SORCS2: variants seen among roughly 807,000 people sequenced by gnomAD.
SORCS2 encodes VPS10 domain-containing receptor SorCS2.
In SORCS2, 100 loss-of-function variants were observed where a neutral mutation model predicts 141.6. The observed-to-expected ratio is 0.71, with a 90% confidence interval of 0.60 to 0.83. The LOEUF (loss-of-function observed/expected upper bound fraction) is 0.83. SORCS2 is among the 40% of genes least tolerant of loss of function. SORCS2 has a pLI of 0.00. For missense variants in SORCS2, 1,646 were observed against 1,560.2 expected (o/e 1.05, Z -0.93); for synonymous variants, 789 against 676.9 (o/e 1.17, Z -2.57).
chr4:7,657,514 A>G (rs1274745614), intron 5 of SORCS2, among the ~76,000 whole-genome samples: 1 of 146,794 alleles, frequency 6.8e-6, no homozygotes, highest in Non-Finnish European at 1.5e-5. Flanking sequence ...TGAATGAGTA[A>G]ATAGCTGAGT....
chr4:7,664,358 C>T lies in SORCS2; in HGVS notation c.958C>T (p.Arg320Trp), dbSNP rs747884144. 2.1e-5 allele frequency: 34 copies of T among 1,613,058 alleles called. No individual in the cohort carries two copies. Among genetic ancestry groups the T allele is most frequent in the Non-Finnish European group, 2.7e-5 (32 of 1,179,404 alleles). ...VEAQDLGGDF[R>W]YVTCAIHNCS... is the part of the protein sequence containing the mutation. ...TCGGCGCCTCTCTCCTGTAGATTTTCGGTACGTCACCTGCGCAATCCACAA... is the reference window on the plus strand; with the variant it reads ...TCGGCGCCTCTCTCCTGTAGATTTTTGGTACGTCACCTGCGCAATCCACAA... The change falls in exon 7 of 27, where the codon CGG (arginine) becomes TGG (tryptophan). Residue 320 changes from arginine to tryptophan, a missense_variant. Physicochemically the swap from Arg to Trp is moderately radical, Grantham distance 101. Coordinates refer to ENST00000507866, the MANE Select transcript of SORCS2 (RefSeq NM_020777.3). The surrounding 1 kb of genome is among the most constrained non-coding windows in gnomAD (Gnocchi z 4.7).
intron 1 of SORCS2, among the ~76,000 whole-genome samples, chr4:7,197,866 C>A (rs1344273008): frequency 6.6e-6 from 1 of 152,138 alleles, no homozygotes; most frequent in Non-Finnish European, 1.5e-5. Flanking sequence ...GCTCTGGGAT[C>A]CAGGTCAAAT....
At chr4:7,712,654 A>T in intron 14 of SORCS2, 79 bp from the exon 15 acceptor site, 1 of 1,584,510 alleles carries the variant, frequency 6.3e-7, no homozygotes, top group Non-Finnish European at 8.6e-7. Flanking sequence ...AACAGAGTCC[A>T]GAGGGGACAT....
intron 16 of SORCS2, 69 bp from the exon 17 acceptor site, chr4:7,715,114 A>AC (rs1726100151): frequency 6.3e-7 from 1 of 1,589,600 alleles, no homozygotes; most frequent in Non-Finnish European, 8.6e-7. Flanking sequence ...CCCAGATTTC[A>AC]CCCCAACCCT....
At chr4:7,499,699 C>A (rs910288352) in intron 2 of SORCS2, among the ~76,000 whole-genome samples, 2 of 152,076 alleles carry the variant, frequency 1.3e-5, no homozygotes, top group Non-Finnish European at 2.9e-5. Context: ...CCCGGGAGAC[C>A]CTTCCTGGAA....
chr4:7,392,026 C>G (rs937626703), intron 1 of SORCS2, among the ~76,000 whole-genome samples: 2 of 152,180 alleles, frequency 1.3e-5, no homozygotes, highest in African/African-American at 4.8e-5. Flanking sequence ...AGTGAAAACA[C>G]AAAGCCCTCG....
chr4:7,371,966 G>A (rs548078662), intron 1 of SORCS2, among the ~76,000 whole-genome samples: 16 of 152,318 alleles, frequency 1.1e-4, no homozygotes, highest in African/African-American at 3.4e-4. Flanking sequence ...GTGGGGGAGT[G>A]AGGGAAGATG....
chr4:7,311,998 C>T (rs1230302225), intron 1 of SORCS2, among the ~76,000 whole-genome samples: 5 of 152,166 alleles, frequency 3.3e-5, no homozygotes, highest in African/African-American at 1.2e-4. Context: ...ACCTCAGCCT[C>T]CCAAGTAGCT....
intron 3 of SORCS2, among the ~76,000 whole-genome samples, chr4:7,550,120 GTGTA>G (rs1310706300): frequency 1.3e-5 from 1 of 75,386 alleles, no homozygotes; most frequent in Non-Finnish European, 3.0e-5. Flanking sequence ...GTGTGTGTGT[GTGTA>G]TGTGTGTATG....
At chr4:7,598,469 C>G (rs1181328379) in intron 3 of SORCS2, among the ~76,000 whole-genome samples, 4 of 152,092 alleles carry the variant, frequency 2.6e-5, no homozygotes, top group Non-Finnish European at 4.4e-5. Context: ...CTGATTAGCC[C>G]CTTCTCCCTC....
chr4:7,531,532 C>G lies in SORCS2; in HGVS notation c.551C>G (p.Ser184Ter). ...GKVLESSLWRSSDFGTSYTKL... is the reference protein window; with the variant it reads ...GKVLESSLWR ...CGGCTGTCCCCCTTTTCCCCCAGGT[C>G]ATCAGATTTCGGGACGTCCTACACC... Residue 184 changes from serine (S) to a stop codon, truncating the protein, a stop_gained and splice_region_variant, in exon 3 of 27, where the codon TCA becomes TGA. Transcript: ENST00000507866. LOFTEE classifies it high-confidence loss of function. The G allele has an allele frequency of 6.2e-7, 1 of 1,613,658 alleles. No homozygotes were observed. Among genetic ancestry groups the G allele is most frequent in the South Asian group, 1.1e-5 (1 of 91,020 alleles).
rs1714220313 is a variant in SORCS2, at chr4:7,260,138, AC to A, written c.480+67015del. Among the ~76,000 whole-genome samples the A allele has an allele frequency of 3.3e-5, 5 of 152,228 alleles. No homozygotes were observed. In the South Asian group the frequency reaches 1.0e-3, roughly 32 times the overall value. On this transcript the variant is annotated intron_variant, in intron 1 of 26. Transcript: ENST00000507866. ...TTCAGAACTCGGCAGCCAAGTGAGA[AC>A]CCATGTGTGGGAACTTTTCTTTTCC...
intron 2 of SORCS2, among the ~76,000 whole-genome samples, chr4:7,482,515 A>G (rs1242168766): frequency 5.7e-5 from 3 of 52,640 alleles, no homozygotes. Flanking sequence ...GACACCCCTG[A>G]CGCTGTTCAG....
At chr4:7,552,034 G>T (rs143196936) in intron 3 of SORCS2, among the ~76,000 whole-genome samples, 1 of 152,310 alleles carries the variant, frequency 6.6e-6, no homozygotes, top group East Asian at 1.9e-4. Context: ...AGATGCCTAA[G>T]GATGCTGCCG....
At chr4:7,367,924 C>T (rs953763006) in intron 1 of SORCS2, among the ~76,000 whole-genome samples, 2 of 152,228 alleles carry the variant, frequency 1.3e-5, no homozygotes, top group Admixed American at 1.3e-4. Context: ...CGGGCCAGTC[C>T]AGTGCTGTGT....
At chr4:7,196,643 T>TCCCTCCCCTCC (rs1727184991) in intron 1 of SORCS2, among the ~76,000 whole-genome samples, 2 of 84,580 alleles carry the variant, frequency 2.4e-5, no homozygotes, top group African/African-American at 9.3e-5. Context: ...CCCTTCCCTC[T>TCCCTCCCCTCC]CCCTCCCCTC....
At chr4:7,612,486 CG>C (rs1718473459) in intron 3 of SORCS2, among the ~76,000 whole-genome samples, 1 of 152,132 alleles carries the variant, frequency 6.6e-6, no homozygotes, top group Non-Finnish European at 1.5e-5. Flanking sequence ...CCTGAGTCAC[CG>C]GTAACACTAC....
intron 9 of SORCS2, among the ~76,000 whole-genome samples, chr4:7,678,011 AC>A: frequency 6.6e-6 from 1 of 152,306 alleles, no homozygotes; most frequent in East Asian, 1.9e-4. Context: ...CAACCTGTCC[AC>A]AGGCATCTGT....
chr4:7,295,270 G>A (rs1325285352), intron 1 of SORCS2, among the ~76,000 whole-genome samples: 1 of 138,106 alleles, frequency 7.2e-6, no homozygotes, highest in Non-Finnish European at 1.5e-5. Flanking sequence ...CCCACACAAT[G>A]AGGCGATTGT....
Sources: gnomAD v4.1 joint callset for allele counts (sites outside exome capture counted in the v4.1 genomes callset) on GRCh38, gnomAD v4.1.1 for gene constraint, Gnocchi (gnomAD v3.1) non-coding constraint, MANE v1.5 for transcripts, NCBI Gene and HGNC (gene_info 2026-07-23, HGNC 2026-07-21) for gene names.